Variants in DLGAP2 observed in about 807,000 individuals in gnomAD.
DLGAP2 encodes the protein DLG associated protein 2, also known as disks large-associated protein 2.
DLGAP2 carries 26 observed loss-of-function variants against 100.3 expected under a neutral mutation model. That is an observed-to-expected ratio of 0.26 (90% confidence interval 0.19 to 0.36). DLGAP2 has a LOEUF of 0.36. Ranked by LOEUF, DLGAP2 falls within the 10% of genes least tolerant of loss-of-function variation. DLGAP2 has a pLI of 1.00. For synonymous variants in DLGAP2, 886 were observed against 630.1 expected (o/e 1.41, Z -6.08); for missense variants, 1,858 against 1,453.2 (o/e 1.28, Z -4.53).
intron 14 of DLGAP2, among the ~76,000 whole-genome samples, chr8:1,698,771 G>A (rs1239093196): frequency 1.3e-5 from 2 of 151,794 alleles, no homozygotes; most frequent in Non-Finnish European, 2.9e-5. Context: ...AGTAAGCCAT[G>A]TTTGGGACAG....
intron 6 of DLGAP2, among the ~76,000 whole-genome samples, chr8:1,578,658 T>A (rs1803094634): frequency 6.6e-6 from 1 of 152,232 alleles, no homozygotes; most frequent in Non-Finnish European, 1.5e-5. Flanking sequence ...AAAAAATCAG[T>A]CTTCTCGTTA....
chr8:959,218 G>C (rs575265822), intron 2 of DLGAP2, among the ~76,000 whole-genome samples: 2 of 152,214 alleles, frequency 1.3e-5, no homozygotes, highest in African/African-American at 2.4e-5. Context: ...AAAAGAGTGA[G>C]TGTTTCAGAG....
At chr8:803,948 T>C (rs1352941360) in intron 1 of DLGAP2, among the ~76,000 whole-genome samples, 1 of 152,214 alleles carries the variant, frequency 6.6e-6, no homozygotes, top group Non-Finnish European at 1.5e-5. Context: ...GATGTATCCG[T>C]GAAATACATT....
intron 5 of DLGAP2, among the ~76,000 whole-genome samples, chr8:1,559,893 T>C (rs1282853396): frequency 6.6e-6 from 1 of 152,164 alleles, no homozygotes; most frequent in African/African-American, 2.4e-5. Flanking sequence ...CAGACAAAAG[T>C]AAACCCGGAC....
At chr8:799,058 C>T (rs908386217) in intron 1 of DLGAP2, among the ~76,000 whole-genome samples, 8 of 152,214 alleles carry the variant, frequency 5.3e-5, no homozygotes, top group East Asian at 3.9e-4. Context: ...GAGACTCTGT[C>T]GGTCCTGTGC....
At position 1,703,288 on chromosome 8, in the gene DLGAP2, C is replaced by T. The variant is rs1401786776; in HGVS notation, c.*1882C>T. ...GCAAAAATCAGTACGAATGTATCTC[C>T]TTGAAAAATGCAAAAAAAAAAAAAT... On this transcript the variant is annotated 3_prime_UTR_variant, in exon 15 of 15. Transcript: ENST00000637795. 1.4e-5 allele frequency: 2 copies of T among 146,214 alleles called. No homozygotes were observed. The highest frequency in any genetic ancestry group is 5.1e-5 in the African/African-American group (2 of 39,104). The allele number at this position is 146,214 out of a possible 1,614,324, so 9.1% of individuals were successfully genotyped here.
At chr8:1,001,534 G>A (rs1009898116) in intron 2 of DLGAP2, among the ~76,000 whole-genome samples, 1 of 152,126 alleles carries the variant, frequency 6.6e-6, no homozygotes, top group African/African-American at 2.4e-5. Context: ...AAAATATTGA[G>A]GAAGGTGTCA....
chr8:1,534,102 G>A (rs1278234030), intron 4 of DLGAP2, among the ~76,000 whole-genome samples: 1 of 152,072 alleles, frequency 6.6e-6, no homozygotes, highest in Non-Finnish European at 1.5e-5. Flanking sequence ...ATAAATTTGT[G>A]TCAAAGCAAA....
chr8:1,610,279 T>C (rs2130729791), intron 6 of DLGAP2, among the ~76,000 whole-genome samples: 1 of 152,302 alleles, frequency 6.6e-6, no homozygotes, highest in South Asian at 2.1e-4. Flanking sequence ...AACCTGCTCC[T>C]GAATGACTAC....
intron 7 of DLGAP2, among the ~76,000 whole-genome samples, chr8:1,630,597 G>T (rs1333938114): frequency 2.0e-5 from 3 of 152,030 alleles, no homozygotes; most frequent in African/African-American, 4.8e-5. Flanking sequence ...AGCTACTCGG[G>T]AGGCCGAGGC....
At chr8:1,460,959 C>T (rs1039723572) in intron 3 of DLGAP2, among the ~76,000 whole-genome samples, 1 of 152,196 alleles carries the variant, frequency 6.6e-6, no homozygotes, top group African/African-American at 2.4e-5. Flanking sequence ...TTGGACAGAA[C>T]TGAGTTTGGA....
chr8:840,798 G>A (rs1295156643), intron 1 of DLGAP2, among the ~76,000 whole-genome samples: 2 of 152,166 alleles, frequency 1.3e-5, no homozygotes, highest in Non-Finnish European at 2.9e-5. Context: ...ATGCCTGCAC[G>A]TCTCCCCACA....
chr8:1,572,141 G>T (rs1244743828), intron 6 of DLGAP2, among the ~76,000 whole-genome samples: 2 of 137,148 alleles, frequency 1.5e-5, no homozygotes, highest in Non-Finnish European at 3.1e-5. Flanking sequence ...GGCATCTTCT[G>T]GGATGGAGAG....
At chr8:1,531,606 T>C (rs1424895726) in intron 4 of DLGAP2, among the ~76,000 whole-genome samples, 1 of 152,208 alleles carries the variant, frequency 6.6e-6, no homozygotes, top group Non-Finnish European at 1.5e-5. Context: ...TGAAACTCTG[T>C]CTCAAAATAA....
intron 12 of DLGAP2, among the ~76,000 whole-genome samples, chr8:1,682,916 A>AT (rs1798994624): frequency 6.6e-6 from 1 of 151,216 alleles, no homozygotes; most frequent in African/African-American, 2.4e-5. Context: ...TCGTGGTGGG[A>AT]TTTTTGTTTT....
chr8:997,244 C>A (rs1190732422), intron 2 of DLGAP2, among the ~76,000 whole-genome samples: 1 of 152,172 alleles, frequency 6.6e-6, no homozygotes, highest in Non-Finnish European at 1.5e-5. Flanking sequence ...TTAACCCCTA[C>A]TGATTTACAT....
intron 1 of DLGAP2, among the ~76,000 whole-genome samples, chr8:802,491 C>G (rs1384321945): frequency 1.3e-5 from 2 of 152,196 alleles, no homozygotes; most frequent in South Asian, 2.1e-4. Flanking sequence ...TGCTGCTTCT[C>G]AACTTGCTGG....
intron 3 of DLGAP2, among the ~76,000 whole-genome samples, chr8:1,487,569 G>T (rs1304246868): frequency 6.6e-6 from 1 of 152,226 alleles, no homozygotes; most frequent in Non-Finnish European, 1.5e-5. Context: ...TGCTTTGTAA[G>T]CTGGTTTGCC....
In DLGAP2 at chr8:1,237,184, C is replaced by T. The variant is rs1237289109; in HGVS notation, c.74-21667C>T. ...CGTGTCTAGTTCTCTCACATGGCGC[C>T]GTGTGTAGTTCTCTCACGTGGTGCC... On this transcript the variant is annotated intron_variant, in intron 2 of 14. Coordinates refer to ENST00000637795, the MANE Select transcript of DLGAP2 (RefSeq NM_001346810.2). 3.7e-5 allele frequency among the ~76,000 whole-genome samples: 5 copies of T among 135,630 alleles called. 1 individual carries two copies. Among genetic ancestry groups the T allele is most frequent in the African/African-American group, 1.2e-4 (4 of 32,918 alleles). The allele number at this position is 135,630 out of a possible 152,430, so 89.0% of individuals were successfully genotyped here.
Sources: allele counts gnomAD v4.1 joint callset (sites outside exome capture counted in the v4.1 genomes callset), GRCh38; gene constraint gnomAD v4.1.1; transcripts MANE v1.5; gene names NCBI Gene and HGNC (gene_info 2026-07-23, HGNC 2026-07-21).